The following ZSCAN18 variants were observed in gnomAD, a reference collection of about 807,000 sequenced individuals.
The protein encoded by ZSCAN18 is zinc finger and SCAN domain-containing protein 18.
Under a neutral mutation model 31.1 loss-of-function variants are expected in ZSCAN18, and 16 were observed. That is an observed-to-expected ratio of 0.51 (90% CI 0.35 to 0.78). ZSCAN18 has a LOEUF of 0.78. ZSCAN18 is among the 30% of genes least tolerant of loss of function. The pLI is 0.01. For synonymous variants in ZSCAN18, 375 were observed against 320.7 expected (o/e 1.17, Z -1.81); for missense variants, 731 against 697.4 (o/e 1.05, Z -0.54).
Position 58,090,027 on chromosome 19 carries a change from C to G in ZSCAN18, c.241G>C (p.Glu81Gln). The G allele has an allele frequency of 1.9e-6, 3 of 1,614,018 alleles. No homozygotes were observed. The highest frequency in any genetic ancestry group is 2.5e-6 in the Non-Finnish European group (3 of 1,180,052). The change falls in exon 2 of 7, where the codon GAG becomes CAG. Residue 81 changes from glutamate (E) to glutamine (Q), a missense_variant. Transcript: ENST00000601144. The surrounding 1 kb of genome is among the most constrained non-coding windows in gnomAD (Gnocchi z 4.7). ...HELCRQWLMP[E>Q]ARSKEQMLEL... ...AGCATCTGCTCCTTGGAGCGCGCCT[C>G]AGGCATCAGCCACTGGCGGCACAGC... is the stretch of plus-strand genomic sequence containing the variant.
chr19:58,085,257 T>A lies in ZSCAN18; in HGVS notation c.961A>T (p.Thr321Ser). The change falls in exon 7 of 7, where the codon ACC becomes TCC. Residue 321 changes from threonine (T) to serine (S), a missense_variant. Coordinates refer to ENST00000601144, the MANE Select transcript of ZSCAN18 (RefSeq NM_001145543.2). ...GGCTGCTCTTCCTCCTCCTCAGTGG[T>A]GCCCGACGGGGGATCGGCAAGGGCG... ...GDALADPPSG[T>S]TEEEEEQPGK... 1 of 1,604,926 alleles carries A rather than the reference T, an allele frequency of 6.2e-7. No homozygotes were observed. The highest frequency in any genetic ancestry group is 8.5e-7 in the Non-Finnish European group (1 of 1,178,232).
chr19:58,099,087 T>C (rs1423504484), upstream of ZSCAN18, among the ~76,000 whole-genome samples: 2 of 152,246 alleles, frequency 1.3e-5, no homozygotes, highest in Non-Finnish European at 2.9e-5. Context: ...TTTGGTCGTT[T>C]TTGTGTGAAC....
chr19:58,114,468 AATAT>A (rs901102620), intron 1 of ZSCAN18, among the ~76,000 whole-genome samples: 2 of 152,164 alleles, frequency 1.3e-5, no homozygotes, highest in Non-Finnish European at 2.9e-5. Context: ...ACTTGTAATA[AATAT>A]ATATACATGT....
rs572798469 is a variant in ZSCAN18, at chr19:58,086,858, G to A, written c.745+48C>T. On this transcript the variant is annotated intron_variant, in intron 5 of 6. Coordinates refer to ENST00000601144, the MANE Select transcript of ZSCAN18 (RefSeq NM_001145543.2). The stretch of plus-strand genomic sequence containing the variant: ...CACAGTCTCCTGCACCAACCCCTGC[G>A]GAAGGGGATGGGGAGTGGGGCGTGA... 2.2e-4 allele frequency: 312 copies of A among 1,449,152 alleles called. 5 individuals are homozygous for A. The South Asian group carries it at 2.4e-3, about 11-fold the overall frequency. The allele number at this position is 1,449,152 out of a possible 1,614,324, so 89.8% of individuals were successfully genotyped here. A position where few individuals can be genotyped will look rare whatever the true frequency, so the allele number is the denominator to read the frequency against.
At chr19:58,096,136 G>A (rs1357890490) in intron 1 of ZSCAN18, among the ~76,000 whole-genome samples, 1 of 152,194 alleles carries the variant, frequency 6.6e-6, no homozygotes, top group Non-Finnish European at 1.5e-5. Flanking sequence ...GGAGTCTTAA[G>A]CAGGAGGACT....
At chr19:58,089,023 G>C (rs1458997773) in intron 2 of ZSCAN18, among the ~76,000 whole-genome samples, 186 bp from the exon 3 acceptor site, 1 of 152,200 alleles carries the variant, frequency 6.6e-6, no homozygotes, top group South Asian at 2.1e-4. Flanking sequence ...GAGGCTGGGG[G>C]CCGGGCGCGG....
upstream of ZSCAN18, chr19:58,118,424 T>G (rs1456429478): frequency 6.8e-7 from 1 of 1,469,334 alleles, no homozygotes; most frequent in Non-Finnish European, 9.1e-7. Flanking sequence ...GGATGCGATA[T>G]TCCGGTGACA....
intron 1 of ZSCAN18, among the ~76,000 whole-genome samples, chr19:58,110,964 G>A (rs113905025): frequency 6.6e-6 from 1 of 151,978 alleles, no homozygotes; most frequent in African/African-American, 2.4e-5. Context: ...GTCAGGAGAT[G>A]GAGACCATCC....
At chr19:58,097,007 A>C (rs1269820432) in intron 1 of ZSCAN18, among the ~76,000 whole-genome samples, 1 of 152,094 alleles carries the variant, frequency 6.6e-6, no homozygotes, top group Admixed American at 6.5e-5. Context: ...TTCAAGCATC[A>C]TGCACAGAAA....
At chr19:58,097,870 T>C in intron 1 of ZSCAN18, 1 of 956,718 alleles carries the variant, frequency 1.0e-6, no homozygotes, top group Non-Finnish European at 1.2e-6. Context: ...ACCCACAGGG[T>C]GCCCTAAGCG....
chr19:58,113,119 T>A (rs2074700553), intron 1 of ZSCAN18, among the ~76,000 whole-genome samples: 1 of 150,028 alleles, frequency 6.7e-6, no homozygotes, highest in Admixed American at 6.7e-5. Context: ...ATCGAGACCA[T>A]CCTGGCTAAC....
chr19:58,106,422 G>GGTTTTTTTTTTGAAATGGAGCCTC (rs1470391188), intron 1 of ZSCAN18, among the ~76,000 whole-genome samples: 2 of 10,990 alleles, frequency 1.8e-4, no homozygotes, highest in African/African-American at 3.4e-4. Context: ...AAGACATCTG[G>GGTTTTTTTTTTGAAATGGAGCCTC]CTGGGCGCGG....
At chr19:58,107,820 T>C (rs1271478088) in intron 1 of ZSCAN18, 1 of 1,000,260 alleles carries the variant, frequency 1.0e-6, no homozygotes, top group East Asian at 9.7e-5. Context: ...TGGGAAAACT[T>C]TCCCACACTA....
chr19:58,091,604 C>A (rs1301135632), intron 1 of ZSCAN18, among the ~76,000 whole-genome samples: 1 of 152,052 alleles, frequency 6.6e-6, no homozygotes, highest in African/African-American at 2.4e-5. Context: ...CTGTGCCCCA[C>A]CCTCAGCTGA....
intron 1 of ZSCAN18, chr19:58,097,894 A>C (rs567158145): frequency 1.1e-6 from 1 of 938,504 alleles, no homozygotes; most frequent in Non-Finnish European, 1.2e-6. Flanking sequence ...CCCCTCCACG[A>C]GCCTACACGG....
chr19:58,107,802 C>T, intron 1 of ZSCAN18: 1 of 994,476 alleles, frequency 1.0e-6, no homozygotes. Context: ...AGCGAGAGCA[C>T]AGATACTTGG....
chr19:58,084,917 C>G lies in ZSCAN18; in HGVS notation c.1301G>C (p.Ser434Thr), dbSNP rs148715744. The G allele has an allele frequency of 2.3e-5, 36 of 1,595,686 alleles. No individual in the cohort carries two copies. The highest frequency in any genetic ancestry group is 3.5e-5 in the Admixed American group (2 of 57,264). ...GGCGTAGCGCTTCCGGCCGCCATGG[C>G]TGCTGTGGTGCTCCATCAGGTGCGA... ...WLSHLMEHHSSHGGRKRYACQ... is the reference protein window; with the variant it reads ...WLSHLMEHHSTHGGRKRYACQ... Residue 434 changes from serine (S) to threonine (T), a missense_variant, in exon 7 of 7, where the codon AGC becomes ACC. By Grantham distance (58) the Ser-to-Thr change is moderately conservative. Coordinates refer to ENST00000601144, the MANE Select transcript of ZSCAN18 (RefSeq NM_001145543.2). The surrounding 1 kb of genome is among the most constrained non-coding windows in gnomAD (Gnocchi z 4.5).
chr19:58,108,390 T>A (rs1425112043), intron 1 of ZSCAN18: 13 of 985,358 alleles, frequency 1.3e-5, no homozygotes, highest in Non-Finnish European at 1.6e-5. Context: ...AAGGGAAGAG[T>A]GGCAGCTGAA....
At chr19:58,086,788 A>G in intron 5 of ZSCAN18, 118 bp downstream of exon 5, 1 of 719,110 alleles carries the variant, frequency 1.4e-6, no homozygotes, top group South Asian at 1.8e-5. Context: ...GTGCAAGTTC[A>G]AATCCTGTAA....
Sources: allele counts gnomAD v4.1 joint callset (sites outside exome capture counted in the v4.1 genomes callset), GRCh38; gene constraint gnomAD v4.1.1; non-coding constraint Gnocchi (gnomAD v3.1); transcripts MANE v1.5; gene names NCBI Gene and HGNC (gene_info 2026-07-23, HGNC 2026-07-21).